The following NCALD variants were observed in gnomAD, a reference collection of about 807,000 sequenced individuals.
The protein encoded by NCALD is neurocalcin-delta.
Under a neutral mutation model 18.6 loss-of-function variants are expected in NCALD, and 10 were observed. That is an observed-to-expected ratio of 0.54 (90% CI 0.33 to 0.91). The LOEUF (loss-of-function observed/expected upper bound fraction) is 0.91. Ranked by LOEUF, NCALD falls within the 40% of genes least tolerant of loss-of-function variation. The pLI, the probability that NCALD is intolerant of heterozygous loss-of-function variation, is 0.03. For missense variants in NCALD, 184 were observed against 247.6 expected, an observed-to-expected ratio of 0.74 and a Z score of 1.72; for synonymous variants, 88 against 87.4, an observed-to-expected ratio of 1.01 and a Z score of -0.04.
chr8:101,708,674 C>G (rs144073327), intron 2 of NCALD, among the ~76,000 whole-genome samples: 121 of 152,250 alleles, frequency 7.9e-4, no homozygotes, highest in African/African-American at 2.8e-3. Flanking sequence ...GAAATGGATG[C>G]CAGAGATGTT....
chr8:101,939,910 G>A (rs1818895044), intron 2 of NCALD, among the ~76,000 whole-genome samples: 1 of 152,224 alleles, frequency 6.6e-6, no homozygotes, highest in South Asian at 2.1e-4. Context: ...AAGTGGCCAT[G>A]TGATCATAGG....
intron 4 of NCALD, among the ~76,000 whole-genome samples, chr8:101,886,645 T>A (rs757292721): frequency 2.6e-5 from 4 of 152,234 alleles, no homozygotes; most frequent in African/African-American, 9.6e-5. Context: ...AAATTCACTA[T>A]TGCTGGTGCT....
chr8:101,693,010 C>A, intron 2 of NCALD, 114 bp from the exon 3 acceptor site: 1 of 711,144 alleles, frequency 1.4e-6, no homozygotes, highest in South Asian at 1.6e-5. Flanking sequence ...CGCATTGGAC[C>A]TAGTCCTACC....
At chr8:102,061,676 T>G (rs1390433819) in intron 1 of NCALD, among the ~76,000 whole-genome samples, 1 of 152,336 alleles carries the variant, frequency 6.6e-6, no homozygotes, top group East Asian at 1.9e-4. Flanking sequence ...AATAATATTT[T>G]TAAATGTATT....
At chr8:101,760,916 G>A (rs1811083596) in intron 1 of NCALD, among the ~76,000 whole-genome samples, 1 of 151,600 alleles carries the variant, frequency 6.6e-6, no homozygotes, top group Admixed American at 6.6e-5. Flanking sequence ...TTTCAAGTTA[G>A]TAGAGTGCAA....
At chr8:101,838,643 G>A (rs756888696) in intron 4 of NCALD, among the ~76,000 whole-genome samples, 3 of 152,366 alleles carry the variant, frequency 2.0e-5, no homozygotes, top group Admixed American at 2.0e-4. Context: ...TGTGAGCCAA[G>A]TAAACCTGCA....
intron 2 of NCALD, among the ~76,000 whole-genome samples, chr8:101,946,330 G>T (rs1167377571): frequency 1.3e-5 from 2 of 152,172 alleles, no homozygotes; most frequent in Non-Finnish European, 2.9e-5. Flanking sequence ...CATGGAGCAT[G>T]CCTTTAAGGA....
intron 1 of NCALD, among the ~76,000 whole-genome samples, chr8:102,033,561 A>G (rs1052507962): frequency 6.6e-6 from 1 of 152,210 alleles, no homozygotes; most frequent in African/African-American, 2.4e-5. Flanking sequence ...AGCAGCAGAA[A>G]CAAGAATGGT....
intron 1 of NCALD, among the ~76,000 whole-genome samples, chr8:102,090,357 T>C (rs1824884825): frequency 2.0e-5 from 3 of 152,340 alleles, no homozygotes; most frequent in Admixed American, 2.0e-4. Flanking sequence ...ATGATTATTG[T>C]CTTGTGTTGA....
chr8:101,769,656 G>A (rs1347419493), intron 1 of NCALD, among the ~76,000 whole-genome samples: 35 of 150,704 alleles, frequency 2.3e-4, no homozygotes, highest in Non-Finnish European at 8.9e-5. Context: ...AGACACTGGC[G>A]AACATTTCCA....
At chr8:102,083,821 C>T (rs757791108) in intron 1 of NCALD, among the ~76,000 whole-genome samples, 6 of 152,200 alleles carry the variant, frequency 3.9e-5, no homozygotes, top group South Asian at 2.1e-4. Flanking sequence ...TTTCTGATCC[C>T]ATCATCACCT....
intron 3 of NCALD, among the ~76,000 whole-genome samples, chr8:101,891,846 T>G (rs996541354): frequency 5.9e-5 from 9 of 152,192 alleles, no homozygotes; most frequent in Admixed American, 6.5e-5. Flanking sequence ...ATCCCACACC[T>G]GGCTCGGAGG....
intron 2 of NCALD, among the ~76,000 whole-genome samples, chr8:101,916,172 A>G (rs1563893144): frequency 6.6e-6 from 1 of 152,140 alleles, no homozygotes; most frequent in African/African-American, 2.4e-5. Context: ...AATACTCAAG[A>G]ATGTGGGCCT....
At chr8:101,782,102 CATATA>C (rs1326391259) in intron 1 of NCALD, among the ~76,000 whole-genome samples, 1 of 142,444 alleles carries the variant, frequency 7.0e-6, no homozygotes, top group Non-Finnish European at 1.5e-5. Flanking sequence ...TATAAATATA[CATATA>C]ATATATATTT....
chr8:101,712,692 A>G (rs150933210), intron 2 of NCALD, among the ~76,000 whole-genome samples: 2,748 of 152,198 alleles, frequency 0.018, 44 homozygotes, highest in Middle Eastern at 0.058. Flanking sequence ...AGGGCATTAC[A>G]TAATGGTAAA....
intron 1 of NCALD, among the ~76,000 whole-genome samples, chr8:101,767,360 T>C (rs1811392611): frequency 6.6e-6 from 1 of 152,210 alleles, no homozygotes; most frequent in African/African-American, 2.4e-5. Flanking sequence ...ATTGACTGAA[T>C]GGAAACACAC....
chr8:101,768,091 G>T lies in NCALD; in HGVS notation c.-20+22771C>A, dbSNP rs150702058. Among the ~76,000 whole-genome samples, 784 of 152,312 alleles carry T rather than the reference G, an allele frequency of 5.1e-3. 9 individuals are homozygous for T. The highest frequency in any genetic ancestry group is 0.018 in the African/African-American group (747 of 41,570). On this transcript the variant is annotated intron_variant, in intron 1 of 3. Transcript: ENST00000220931. ...TTGGGCAACATTTCACATGTAGTAA[G>T]GGGGAGACTCAGCATTTGAACTGCT...
chr8:101,957,288 G>GTTT (rs1563932101), intron 2 of NCALD, among the ~76,000 whole-genome samples: 33 of 128,248 alleles, frequency 2.6e-4, no homozygotes, highest in Middle Eastern at 4.4e-3. Flanking sequence ...GAAAAGTTGG[G>GTTT]GTTTTTTTTT....
At position 101,872,320 on chromosome 8, in the gene NCALD, T is replaced by A. The variant is rs1816053577; in HGVS notation, c.-20+14821A>T. On this transcript the variant is annotated intron_variant, in intron 4 of 6. Transcript: ENST00000311028. ...AATTGCTTTCCCCTCAGCGAGTCTC[T>A]GCCATCTGTACATTTCAATAGCATG... 5 of 1,417,772 alleles carry A rather than the reference T, an allele frequency of 3.5e-6. No homozygotes were observed. In the Admixed American group the frequency reaches 5.0e-5, roughly 14 times the overall value. The allele number at this position is 1,417,772 out of a possible 1,614,324, so 87.8% of individuals were successfully genotyped here. A position where few individuals can be genotyped will look rare whatever the true frequency, so the allele number is the denominator to read the frequency against.
Sources: allele counts gnomAD v4.1 joint callset (sites outside exome capture counted in the v4.1 genomes callset), GRCh38; gene constraint gnomAD v4.1.1; transcripts MANE v1.5; gene names NCBI Gene and HGNC (gene_info 2026-07-23, HGNC 2026-07-21).